DYSF: variants seen among roughly 807,000 people sequenced by gnomAD.
DYSF encodes dystrophy-associated fer-1-like 1.
Under a neutral mutation model 274.9 loss-of-function variants are expected in DYSF, and 212 were observed. That is an observed-to-expected ratio of 0.77 (90% CI 0.69 to 0.86). The LOEUF (loss-of-function observed/expected upper bound fraction) is 0.86. DYSF is among the 40% of genes least tolerant of loss of function. The pLI, the probability that DYSF is intolerant of heterozygous loss-of-function variation, is 0.00. For synonymous variants in DYSF, 1,091 were observed against 1,078.7 expected (o/e 1.01, Z -0.22); for missense variants, 2,666 against 2,783.2 (o/e 0.96, Z 0.95).
At chr2:71,673,450 A>C (rs2095165891) in intron 51 of DYSF, among the ~76,000 whole-genome samples, 1 of 152,098 alleles carries the variant, frequency 6.6e-6, no homozygotes, top group Admixed American at 6.5e-5. Context: ...ACTTCCCAGC[A>C]CTTCAGGCTT....
chr2:71,676,274 C>T (rs1370059822), intron 52 of DYSF, among the ~76,000 whole-genome samples: 1 of 152,068 alleles, frequency 6.6e-6, no homozygotes, highest in Non-Finnish European at 1.5e-5. Flanking sequence ...CACCTGTGCC[C>T]TGTTTGTACA....
intron 53 of DYSF, among the ~76,000 whole-genome samples, chr2:71,679,511 G>A (rs2095269608): frequency 6.6e-6 from 1 of 152,038 alleles, no homozygotes; most frequent in Non-Finnish European, 1.5e-5. Flanking sequence ...GGCTTTAATA[G>A]TGACCTGTGT....
chr2:71,508,400 G>A (rs752851889), intron 4 of DYSF, among the ~76,000 whole-genome samples: 18 of 152,136 alleles, frequency 1.2e-4, no homozygotes, highest in Non-Finnish European at 1.9e-4. Flanking sequence ...AGTGTCCTTT[G>A]TAGCAGAAGG....
At chr2:71,582,792 G>A (rs1370809874) in intron 30 of DYSF, among the ~76,000 whole-genome samples, 1 of 152,110 alleles carries the variant, frequency 6.6e-6, no homozygotes, top group African/African-American at 2.4e-5. Flanking sequence ...GGGAAGAGAC[G>A]GGCAGTAGCA....
intron 14 of DYSF, among the ~76,000 whole-genome samples, chr2:71,533,078 G>A (rs1159320136): frequency 2.6e-5 from 4 of 152,104 alleles, no homozygotes; most frequent in Admixed American, 1.3e-4. Flanking sequence ...GGAGTGCAGT[G>A]GTGCAATCTC....
intron 47 of DYSF, among the ~76,000 whole-genome samples, chr2:71,666,213 A>G (rs1271518226): frequency 1.3e-5 from 2 of 152,142 alleles, no homozygotes. Flanking sequence ...CAACTTTAGC[A>G]CAGGGCCATG....
At chr2:71,601,862 T>A (rs565021256) in intron 35 of DYSF, among the ~76,000 whole-genome samples, 20 of 152,356 alleles carry the variant, frequency 1.3e-4, no homozygotes, top group African/African-American at 4.6e-4. Context: ...CATCCAGGAC[T>A]GAGAATCACT....
chr2:71,546,601 T>G (rs2090497679), intron 17 of DYSF, among the ~76,000 whole-genome samples: 2 of 152,204 alleles, frequency 1.3e-5, no homozygotes, highest in African/African-American at 4.8e-5. Flanking sequence ...TTTTGAGAGG[T>G]AACAGGCACG....
rs544992794 is a variant in DYSF, at chr2:71,682,272, G to T, written c.6174-258G>T. On this transcript the variant is annotated intron_variant, in intron 54 of 55. Coordinates refer to ENST00000410020, the MANE Select transcript of DYSF (RefSeq NM_001130987.2). Reference sequence around the variant, plus strand: ...AAGGTGTCCTGGAGAGGATGGCAGAGAAACTGGGCCACTGAGGATGCTTAG... The same window carrying T: ...AAGGTGTCCTGGAGAGGATGGCAGATAAACTGGGCCACTGAGGATGCTTAG... Among the ~76,000 whole-genome samples the T allele has an allele frequency of 5.3e-5, 8 of 152,226 alleles. No individual in the cohort carries two copies. In the East Asian group the frequency reaches 1.4e-3, roughly 26 times the overall value.
intron 32 of DYSF, among the ~76,000 whole-genome samples, chr2:71,592,314 T>G (rs1164569328): frequency 2.0e-5 from 3 of 152,132 alleles, no homozygotes; most frequent in Non-Finnish European, 4.4e-5. Context: ...ACGTCACACT[T>G]TCCATCCTGG....
At chr2:71,600,630 C>T in intron 33 of DYSF, 72 bp from the exon 34 acceptor site, 2 of 1,608,396 alleles carry the variant, frequency 1.2e-6, no homozygotes, top group South Asian at 2.2e-5. Flanking sequence ...CACATGTAGA[C>T]CTGATCTCTC....
At position 71,553,016 on chromosome 2, in the gene DYSF, C is replaced by A; in HGVS notation, c.1812C>A (p.Tyr604Ter). 6.2e-7 allele frequency: 1 copy of A among 1,614,158 alleles called. No individual in the cohort carries two copies. The highest frequency in any genetic ancestry group is 8.5e-7 in the Non-Finnish European group (1 of 1,180,030). ...PADDILRVEK[Y>*]LRRRKYSLFA... ...GGTCTACTCTCTGCTCTCAGAAGTACCTTAGGAGGCGCAAGTACTCCCTGT... is the reference window on the plus strand; with the variant it reads ...GGTCTACTCTCTGCTCTCAGAAGTAACTTAGGAGGCGCAAGTACTCCCTGT... Residue 604 changes from tyrosine to a stop codon, truncating the protein, a stop_gained, in exon 20 of 56, where the codon TAC (tyrosine) becomes TAA (stop). Coordinates refer to ENST00000410020, the MANE Select transcript of DYSF (RefSeq NM_001130987.2). LOFTEE classifies it high-confidence loss of function.
chr2:71,540,817 C>T (rs2089862716), intron 17 of DYSF, among the ~76,000 whole-genome samples: 1 of 151,966 alleles, frequency 6.6e-6, no homozygotes, highest in African/African-American at 2.4e-5. Flanking sequence ...TTTCCCCTGT[C>T]ATTTATGTAG....
In DYSF at chr2:71,634,681, T is replaced by C. The variant is rs564118966; in HGVS notation, c.4528-9284T>C. 8.5e-5 allele frequency among the ~76,000 whole-genome samples: 13 copies of C among 152,318 alleles called. 1 individual carries two copies. In the South Asian group the frequency reaches 2.7e-3, roughly 32 times the overall value. ...AGAAAAACCCCGGTAATCATCAACA[T>C]TTTAGGTTTAAACTTAGGCAGTCTG... On this transcript the variant is annotated intron_variant, in intron 41 of 55. Transcript: ENST00000410020.
chr2:71,524,878 C>T (rs2087685829), intron 12 of DYSF, among the ~76,000 whole-genome samples: 1 of 152,178 alleles, frequency 6.6e-6, no homozygotes, highest in African/African-American at 2.4e-5. Context: ...GTTCTGCTTC[C>T]AGCCTGTGTT....
chr2:71,662,608 T>C (rs2094906517), intron 45 of DYSF, among the ~76,000 whole-genome samples: 1 of 137,910 alleles, frequency 7.3e-6, no homozygotes, highest in Non-Finnish European at 1.6e-5. Flanking sequence ...TGCGTCTGTG[T>C]GTGTCTGTGT....
At chr2:71,654,507 G>A (rs1271942289) in intron 42 of DYSF, among the ~76,000 whole-genome samples, 1 of 152,228 alleles carries the variant, frequency 6.6e-6, no homozygotes, top group African/African-American at 2.4e-5. Flanking sequence ...TGATGGCTGG[G>A]TCTGGTGGCT....
chr2:71,671,352 A>C (rs563898870), intron 51 of DYSF, among the ~76,000 whole-genome samples: 2 of 152,336 alleles, frequency 1.3e-5, no homozygotes, highest in South Asian at 4.1e-4. Flanking sequence ...TGTTTCCATC[A>C]GAAAGCCAAG....
At chr2:71,558,888 C>T (rs1281382149) in intron 22 of DYSF, among the ~76,000 whole-genome samples, 1 of 152,158 alleles carries the variant, frequency 6.6e-6, no homozygotes, top group Non-Finnish European at 1.5e-5. Flanking sequence ...GGCCCAGCAC[C>T]TCAGCTAGAG....
Sources: gnomAD v4.1 joint callset for allele counts (sites outside exome capture counted in the v4.1 genomes callset) on GRCh38, gnomAD v4.1.1 for gene constraint, MANE v1.5 for transcripts, NCBI Gene and HGNC (gene_info 2026-07-23, HGNC 2026-07-21) for gene names.